CCT6B: variants seen among roughly 807,000 people sequenced by gnomAD.
CCT6B encodes the protein probable T-complex protein 1 subunit zeta-2.
Under a neutral mutation model 61.5 loss-of-function variants are expected in CCT6B, and 49 were observed. The ratio of observed to expected loss-of-function variants is 0.80; its 90% CI spans 0.63 to 1.01. CCT6B has a LOEUF of 1.01. Ranked by LOEUF, CCT6B falls within the 50% of genes least tolerant of loss-of-function variation. The pLI, the probability that CCT6B is intolerant of heterozygous loss-of-function variation, is 0.00. For synonymous variants in CCT6B, 228 were observed against 214.5 expected, an observed-to-expected ratio of 1.06 and a Z score of -0.55; for missense variants, 666 against 634.7, an observed-to-expected ratio of 1.05 and a Z score of -0.53.
Position 34,928,055 on chromosome 17 carries a change from A to G in CCT6B, c.1586T>C (p.Leu529Pro), listed in dbSNP as rs1291701895. ...TGATTTTGAATTCAATCATCATTTGAGAGAAGACATCCCAGCTCGCATAAT... is the reference window on the plus strand; with the variant it reads ...TGATTTTGAATTCAATCATCATTTGGGAGAAGACATCCCAGCTCGCATAAT... ...DEIMRAGMSSLK is the reference protein window; with the variant it reads ...DEIMRAGMSSPK Residue 529 changes from leucine (L) to proline (P), a missense_variant, in exon 14 of 14, where the codon CTC (leucine) becomes CCC (proline). Coordinates refer to ENST00000314144, the MANE Select transcript of CCT6B (RefSeq NM_006584.4). 4.3e-6 allele frequency: 7 copies of G among 1,609,488 alleles called. No homozygotes were observed. The highest frequency in any genetic ancestry group is 5.9e-6 in the Non-Finnish European group (7 of 1,177,196).
At chr17:34,932,203 C>G (rs1283236516) in intron 11 of CCT6B, among the ~76,000 whole-genome samples, 164 bp downstream of exon 11, 1 of 152,170 alleles carries the variant, frequency 6.6e-6, no homozygotes, top group Non-Finnish European at 1.5e-5. Context: ...GCTGTTATCG[C>G]AAAAGTTTCC....
intron 5 of CCT6B, among the ~76,000 whole-genome samples, chr17:34,947,975 C>CAA (rs570493756): frequency 4.8e-5 from 3 of 63,024 alleles, no homozygotes; most frequent in African/African-American, 1.1e-4. Context: ...CACTCCGTCT[C>CAA]AAAAAAAAAA....
rs1478202192 is a variant in CCT6B at position 34,958,583 on chromosome 17, G to A, written c.313C>T (p.Gln105Ter). Reference sequence around the variant, plus strand: ...ACCTCAGAAATGTACAGGTCAGCTTGTTTTAATAACTCTCCAATAATTAGA... The same window carrying A: ...ACCTCAGAAATGTACAGGTCAGCTTATTTTAATAACTCTCCAATAATTAGA... ...NVLIIGELLK[Q>*]ADLYISEGLH... Residue 105 changes from glutamine to a stop codon, truncating the protein, a stop_gained, in exon 3 of 14, where the codon CAA (glutamine) becomes TAA (stop). Transcript: ENST00000314144. LOFTEE classifies it high-confidence loss of function. 3 of 1,578,426 alleles carry A rather than the reference G, an allele frequency of 1.9e-6. No individual in the cohort carries two copies. The highest frequency in any genetic ancestry group is 2.3e-5 in the East Asian group (1 of 43,704).
chr17:34,934,212 G>C (rs2090069738), intron 10 of CCT6B, among the ~76,000 whole-genome samples: 1 of 151,216 alleles, frequency 6.6e-6, no homozygotes, highest in Non-Finnish European at 1.5e-5. Context: ...TAATTAGGAT[G>C]AAAGTGGAAA....
chr17:34,928,142 GTAAAGCC>G, intron 13 of CCT6B, 25 bp from the exon 14 acceptor site: 1 of 1,541,862 alleles, frequency 6.5e-7, no homozygotes, highest in Non-Finnish European at 8.9e-7. Context: ...GAGAGGGTGA[GTAAAGCC>G]TACTAACCCA....
At position 34,932,895 on chromosome 17, in the gene CCT6B, CCTCAGCCTT is replaced by C. The variant is rs550619527; in HGVS notation, c.1214-404_1214-396del. On this transcript the variant is annotated intron_variant, in intron 10 of 13. Coordinates refer to ENST00000314144, the MANE Select transcript of CCT6B (RefSeq NM_006584.4). ...CTTCCAGGTTCAAGTGATCCTCCTA[CCTCAGCCTT>C]CTAAGTAGCTGGAATTACAGGCGTG... Among the ~76,000 whole-genome samples the C allele has an allele frequency of 2.6e-5, 4 of 152,258 alleles. No individual in the cohort carries two copies. In the South Asian group the frequency reaches 6.2e-4, roughly 24 times the overall value.
chr17:34,948,524 G>A (rs1006365477), intron 5 of CCT6B, among the ~76,000 whole-genome samples: 1 of 152,026 alleles, frequency 6.6e-6, no homozygotes, highest in African/African-American at 2.4e-5. Flanking sequence ...AGACCAGCCT[G>A]ACCAACATGG....
intron 5 of CCT6B, among the ~76,000 whole-genome samples, chr17:34,950,318 A>C (rs2090275942): frequency 6.6e-6 from 1 of 152,216 alleles, no homozygotes; most frequent in Non-Finnish European, 1.5e-5. Flanking sequence ...GCAGCAAAAA[A>C]GTCCCCACAA....
intron 1 of CCT6B, among the ~76,000 whole-genome samples, chr17:34,960,871 C>T (rs2090406051): frequency 6.6e-6 from 1 of 152,224 alleles, no homozygotes; most frequent in Non-Finnish European, 1.5e-5. Flanking sequence ...AGCCTGTGTC[C>T]TCTCCACTAC....
intron 5 of CCT6B, among the ~76,000 whole-genome samples, chr17:34,950,860 C>T (rs770267162): frequency 2.0e-5 from 3 of 150,460 alleles, no homozygotes; most frequent in Non-Finnish European, 4.4e-5. Context: ...ACCCAGTAGG[C>T]GGAGGTTGCA....
chr17:34,951,968 T>G lies in CCT6B; in HGVS notation c.596A>C (p.Lys199Thr). ...AATTTACTTTGTATCTGTTCCTAAT[T>G]TATGCTTCATCTCCATTATTTCTAC... ...FMVEIMEMKHKLGTDTKLIQG... is the reference protein window; with the variant it reads ...FMVEIMEMKHTLGTDTKLIQG... The change falls in exon 5 of 14, where the codon AAA becomes ACA. Residue 199 changes from lysine (K) to threonine (T), a missense_variant. Lys to Thr is a moderately conservative substitution (Grantham distance 78). Coordinates refer to ENST00000314144, the MANE Select transcript of CCT6B (RefSeq NM_006584.4). 1 of 1,588,474 alleles carries G rather than the reference T, an allele frequency of 6.3e-7. No homozygotes were observed. The highest frequency in any genetic ancestry group is 8.6e-7 in the Non-Finnish European group (1 of 1,159,766).
At chr17:34,933,916 C>A (rs551636068) in intron 10 of CCT6B, among the ~76,000 whole-genome samples, 1 of 151,734 alleles carries the variant, frequency 6.6e-6, no homozygotes, top group South Asian at 2.1e-4. Flanking sequence ...ATCACTTGAG[C>A]CCGGAAATTC....
In CCT6B at chr17:34,932,479, C is replaced by T. The variant is rs1177246344; in HGVS notation, c.1235G>A (p.Gly412Asp). 3 of 1,610,302 alleles carry T rather than the reference C, an allele frequency of 1.9e-6. No individual in the cohort carries two copies. In the Admixed American group the frequency reaches 5.0e-5, roughly 27 times the overall value. Residue 412 changes from glycine (G) to aspartate (D), a missense_variant, in exon 11 of 14, where the codon GGT (glycine) becomes GAT (aspartate). By Grantham distance (94) the Gly-to-Asp change is moderately conservative (BLOSUM62 -1). Coordinates refer to ENST00000314144, the MANE Select transcript of CCT6B (RefSeq NM_006584.4). ...TTCAGCCATTGCCACTTCAATTGCA[C>T]CAGCTCCAGGAACCATACAACCTAT... ...IEDGCMVPGA[G>D]AIEVAMAEAL...
chr17:34,939,641 A>G lies in CCT6B; in HGVS notation c.1041T>C (p.Ala347=). Residue 347 remains alanine (A), a synonymous_variant, in exon 9 of 14, where the codon GCT becomes GCC. Transcript: ENST00000314144. ...EDLTVDCLGH[A]GLVYEYTLGE... is the part of the protein sequence containing the mutation. ...CTAATGTATACTCATACACAAGACC[A>G]GCATGTCCCAAGCAATCTACAGTGA... The G allele has an allele frequency of 6.2e-7, 1 of 1,610,820 alleles. No individual in the cohort carries two copies. Among genetic ancestry groups the G allele is most frequent in the Admixed American group, 1.7e-5 (1 of 60,018 alleles).
chr17:34,942,388 A>G, intron 7 of CCT6B, 96 bp downstream of exon 7: 1 of 911,236 alleles, frequency 1.1e-6, no homozygotes, highest in Non-Finnish European at 1.7e-6. Context: ...AGACTCTCTG[A>G]AAAAGTCTTA....
At position 34,961,242 on chromosome 17, in the gene CCT6B, C is replaced by G; in HGVS notation, c.137+15G>C. 1.3e-6 allele frequency: 2 copies of G among 1,591,700 alleles called. No homozygotes were observed. Among genetic ancestry groups the G allele is most frequent in the Non-Finnish European group, 1.7e-6 (2 of 1,169,074 alleles). On this transcript the variant is annotated intron_variant, in intron 1 of 13. Coordinates refer to ENST00000314144, the MANE Select transcript of CCT6B (RefSeq NM_006584.4). ...GCCCCTAGCCGCGTAATGGCCGCTC[C>G]AACCGCTGTCTCACATTTTCATGGT...
chr17:34,951,651 A>G (rs1252357673), intron 5 of CCT6B, among the ~76,000 whole-genome samples: 1 of 152,162 alleles, frequency 6.6e-6, no homozygotes, highest in Admixed American at 6.5e-5. Context: ...AGATGTGCAC[A>G]TGGCTAGCTC....
chr17:34,947,812 T>C (rs1414336499), intron 5 of CCT6B, among the ~76,000 whole-genome samples: 1 of 151,834 alleles, frequency 6.6e-6, no homozygotes, highest in Non-Finnish European at 1.5e-5. Flanking sequence ...TGAAACCACG[T>C]CTCTACTAAA....
intron 1 of CCT6B, among the ~76,000 whole-genome samples, chr17:34,960,049 A>T (rs80281466): frequency 0.012 from 1,882 of 152,288 alleles, 21 homozygotes; most frequent in South Asian, 0.02. Flanking sequence ...AGTTCTATCA[A>T]TTCTACTACC....
Sources: gnomAD v4.1 joint callset for allele counts (sites outside exome capture counted in the v4.1 genomes callset) on GRCh38, gnomAD v4.1.1 for gene constraint, MANE v1.5 for transcripts, NCBI Gene and HGNC (gene_info 2026-07-23, HGNC 2026-07-21) for gene names.